CAMK2B: variants seen among roughly 807,000 people sequenced by gnomAD.
CAMK2B encodes calcium/calmodulin-dependent protein kinase type II subunit beta.
In CAMK2B, 27 loss-of-function variants were observed where a neutral mutation model predicts 93.7. That is an observed-to-expected ratio of 0.29 (90% CI 0.21 to 0.40). The LOEUF (loss-of-function observed/expected upper bound fraction) is 0.40, where lower values mean the gene tolerates loss of function less well. CAMK2B is among the 10% of genes least tolerant of loss of function. The probability of loss-of-function intolerance (pLI) is 1.00; values close to 1 mark genes in which losing one functional copy is unlikely to be tolerated. For missense variants in CAMK2B, 568 were observed against 895.8 expected, an observed-to-expected ratio of 0.63 and a Z score of 4.67; for synonymous variants, 374 against 358.8, an observed-to-expected ratio of 1.04 and a Z score of -0.48.
chr7:44,275,081 G>C (rs552564929), intron 2 of CAMK2B, among the ~76,000 whole-genome samples: 1 of 152,324 alleles, frequency 6.6e-6, no homozygotes, highest in South Asian at 2.1e-4. Flanking sequence ...AAGATGAGTG[G>C]CTGGAAATGC....
chr7:44,258,778 A>C, intron 4 of CAMK2B, 94 bp downstream of exon 4: 1 of 1,123,076 alleles, frequency 8.9e-7, no homozygotes, highest in Non-Finnish European at 1.3e-6. Flanking sequence ...GCCCACGGGT[A>C]GGGACTATTC....
chr7:44,321,266 G>C (rs1386647926), intron 1 of CAMK2B, among the ~76,000 whole-genome samples: 1 of 151,932 alleles, frequency 6.6e-6, no homozygotes, highest in African/African-American at 2.4e-5. Flanking sequence ...TGTGCCTCTC[G>C]GCAGAAGGCA....
rs776040768 is a variant in CAMK2B at position 44,225,784 on chromosome 7, C to T, written c.1597+732G>A. 52 of 1,289,512 alleles carry T rather than the reference C, an allele frequency of 4.0e-5. No individual in the cohort carries two copies. In the South Asian group the frequency reaches 4.1e-4, roughly 10 times the overall value. The allele number at this position is 1,289,512 out of a possible 1,614,324, so 79.9% of individuals were successfully genotyped here. A position where few individuals can be genotyped will look rare whatever the true frequency, so the allele number is the denominator to read the frequency against. On this transcript the variant is annotated intron_variant, in intron 20 of 23. Coordinates refer to ENST00000395749, the MANE Select transcript of CAMK2B (RefSeq NM_001220.5). The surrounding 1 kb of genome is among the most constrained non-coding windows in gnomAD (Gnocchi z 5.0). ...TTACCTAGCCACTGCCCTGCCATGC[C>T]GAGCCCGTGGCCCAGCAGCCTCTTC...
chr7:44,251,749 C>A (rs1305512199), intron 5 of CAMK2B, among the ~76,000 whole-genome samples: 1 of 152,208 alleles, frequency 6.6e-6, no homozygotes, highest in Non-Finnish European at 1.5e-5. Context: ...CCCCATACAC[C>A]AGGGGTGCCC....
At chr7:44,323,287 C>A (rs772438844) in intron 1 of CAMK2B, among the ~76,000 whole-genome samples, 1 of 152,272 alleles carries the variant, frequency 6.6e-6, no homozygotes, top group Non-Finnish European at 1.5e-5. Context: ...CCCCTCGATG[C>A]CAGGCCCCAC....
chr7:44,280,805 A>C (rs1399369184), intron 2 of CAMK2B, among the ~76,000 whole-genome samples: 1 of 152,194 alleles, frequency 6.6e-6, no homozygotes, highest in Non-Finnish European at 1.5e-5. Context: ...ACCCGAGCAC[A>C]AGACAGGTCA....
intron 2 of CAMK2B, among the ~76,000 whole-genome samples, chr7:44,275,415 C>T (rs2097025066): frequency 6.6e-6 from 1 of 152,254 alleles, no homozygotes; most frequent in Admixed American, 6.5e-5. Context: ...AGCCCGGCTC[C>T]CTGTTCTCCT....
At chr7:44,240,511 G>A (rs61206852) in intron 12 of CAMK2B, among the ~76,000 whole-genome samples, 196 bp downstream of exon 12, 8,811 of 152,330 alleles carry the variant, frequency 0.058, 315 homozygotes, top group East Asian at 0.12. Flanking sequence ...GCCTCGGGGG[G>A]CTGGACCCTG....
intron 2 of CAMK2B, among the ~76,000 whole-genome samples, chr7:44,283,621 G>A (rs768562606): frequency 1.3e-5 from 2 of 152,224 alleles, no homozygotes; most frequent in Admixed American, 6.5e-5. Flanking sequence ...AGGCCATGAC[G>A]CCAGGACTCT....
At position 44,301,131 on chromosome 7, in the gene CAMK2B, T is replaced by C. The variant is rs1302613423; in HGVS notation, c.66-16906A>G. 3.3e-5 allele frequency among the ~76,000 whole-genome samples: 5 copies of C among 152,124 alleles called. No individual in the cohort carries two copies. The East Asian group carries it at 9.6e-4, about 29-fold the overall frequency. On this transcript the variant is annotated intron_variant, in intron 1 of 23. Coordinates refer to ENST00000395749, the MANE Select transcript of CAMK2B (RefSeq NM_001220.5). ...AATGCAGCAAAGGCAGTCTTTATTA[T>C]TTATTTATTTTTTAGGGACAAGGTC...
intron 1 of CAMK2B, among the ~76,000 whole-genome samples, chr7:44,307,172 G>GGGAGGAGGGTGTGAGCAGGA (rs1792063593): frequency 2.3e-5 from 2 of 87,786 alleles, no homozygotes; most frequent in African/African-American, 4.6e-5. Flanking sequence ...TGTGAGCAGA[G>GGGAGGAGGGTGTGAGCAGGA]GGAGGAGGGT....
At chr7:44,324,791 AG>A (rs1797046086) in intron 1 of CAMK2B, among the ~76,000 whole-genome samples, 1 of 152,104 alleles carries the variant, frequency 6.6e-6, no homozygotes, top group African/African-American at 2.4e-5. Flanking sequence ...AAAATCCTCC[AG>A]AACCCAGATT....
intron 13 of CAMK2B, among the ~76,000 whole-genome samples, chr7:44,235,793 C>T (rs1326178173): frequency 6.6e-6 from 1 of 152,186 alleles, no homozygotes; most frequent in Non-Finnish European, 1.5e-5. Flanking sequence ...CGGGCCAAGC[C>T]GGGAAGGAAG....
Position 44,300,908 on chromosome 7 carries a change from A to G in CAMK2B, c.66-16683T>C, listed in dbSNP as rs138063471. On this transcript the variant is annotated intron_variant, in intron 1 of 23. Transcript: ENST00000395749. ...ATAAAAACACCCTGATACATTTAAAATACAGTAATCATATAAAGTACGCTC... is the reference window on the plus strand; with the variant it reads ...ATAAAAACACCCTGATACATTTAAAGTACAGTAATCATATAAAGTACGCTC... Among the ~76,000 whole-genome samples, 594 of 152,338 alleles carry G rather than the reference A, an allele frequency of 3.9e-3. 5 individuals carry two copies. The highest frequency in any genetic ancestry group is 0.014 in the African/African-American group (563 of 41,570).
intron 1 of CAMK2B, among the ~76,000 whole-genome samples, chr7:44,307,326 AG>A (rs1369435707): frequency 2.6e-5 from 3 of 113,716 alleles, no homozygotes; most frequent in Admixed American, 9.4e-5. Context: ...GGGTGTGAGA[AG>A]GGGGAGGAAG....
intron 1 of CAMK2B, among the ~76,000 whole-genome samples, chr7:44,287,961 C>G (rs1352426757): frequency 1.3e-5 from 2 of 152,250 alleles, no homozygotes. Context: ...AGGCACAGTG[C>G]CTGGGCTGTG....
At chr7:44,325,183 G>A in intron 1 of CAMK2B, 174 bp downstream of exon 1, 2 of 181,576 alleles carry the variant, frequency 1.1e-5, no homozygotes, top group Non-Finnish European at 2.1e-5. Flanking sequence ...AGCCAGGCCC[G>A]GGGCCGGGGG....
rs536481503 is a variant in CAMK2B, at chr7:44,228,583, G to A, written c.1468+213C>T. Among the ~76,000 whole-genome samples the A allele has an allele frequency of 1.1e-4, 17 of 152,200 alleles. No homozygotes were observed. The South Asian group carries it at 2.7e-3, about 24-fold the overall frequency. The stretch of plus-strand genomic sequence containing the variant: ...GGGAGTGGCAGTGGGAGCAGGAGCC[G>A]TGGAGGGGTCTGGGCCCCTTAGGGA... On this transcript the variant is annotated intron_variant, in intron 19 of 23. Transcript: ENST00000395749.
At chr7:44,257,552 G>A (rs1562930824) in intron 4 of CAMK2B, among the ~76,000 whole-genome samples, 7 of 152,264 alleles carry the variant, frequency 4.6e-5, no homozygotes, top group Admixed American at 2.6e-4. Flanking sequence ...TGGGAAAAGA[G>A]GCTGGTGGAG....
Sources: allele counts gnomAD v4.1 joint callset (sites outside exome capture counted in the v4.1 genomes callset), GRCh38; gene constraint gnomAD v4.1.1; non-coding constraint Gnocchi (gnomAD v3.1); transcripts MANE v1.5; gene names NCBI Gene and HGNC (gene_info 2026-07-23, HGNC 2026-07-21).